The following ARNT2 variants were observed in gnomAD, a reference collection of about 807,000 sequenced individuals.
The protein encoded by ARNT2 is ARNT protein 2.
In ARNT2, 36 loss-of-function variants were observed where a neutral mutation model predicts 91.7. The ratio of observed to expected loss-of-function variants is 0.39; its 90% CI spans 0.30 to 0.52. ARNT2 has a LOEUF of 0.52. ARNT2 is among the 20% of genes least tolerant of loss of function. The pLI, the probability that ARNT2 is intolerant of heterozygous loss-of-function variation, is 0.72. For synonymous variants in ARNT2, 365 were observed against 347.1 expected, an observed-to-expected ratio of 1.05 and a Z score of -0.57; for missense variants, 775 against 939.3, an observed-to-expected ratio of 0.83 and a Z score of 2.29.
intron 2 of ARNT2, among the ~76,000 whole-genome samples, chr15:80,454,967 G>A (rs1040471884): frequency 2.0e-5 from 3 of 152,150 alleles, no homozygotes; most frequent in African/African-American, 7.2e-5. Context: ...GAATTAAAGT[G>A]AGTACAATAG....
At chr15:80,417,392 A>G (rs1244406408) in intron 1 of ARNT2, among the ~76,000 whole-genome samples, 2 of 152,230 alleles carry the variant, frequency 1.3e-5, no homozygotes, top group Non-Finnish European at 2.9e-5. Context: ...GCTTCATAAA[A>G]AGAGATCACC....
At chr15:80,564,357 G>A (rs999087678) in intron 12 of ARNT2, among the ~76,000 whole-genome samples, 7 of 152,122 alleles carry the variant, frequency 4.6e-5, no homozygotes, top group Non-Finnish European at 7.4e-5. Context: ...CTCTGTTGCC[G>A]TCTCTGAGCC....
At chr15:80,459,307 C>T (rs1489524393) in intron 3 of ARNT2, among the ~76,000 whole-genome samples, 1 of 152,248 alleles carries the variant, frequency 6.6e-6, no homozygotes, top group Non-Finnish European at 1.5e-5. Flanking sequence ...GTATTGTTTT[C>T]CCTCGGTGCA....
At chr15:80,507,241 TG>T (rs1323410299) in intron 5 of ARNT2, among the ~76,000 whole-genome samples, 1 of 152,088 alleles carries the variant, frequency 6.6e-6, no homozygotes, top group African/African-American at 2.4e-5. Flanking sequence ...GGTCAGTTGA[TG>T]GCCCAGAACC....
At chr15:80,509,458 AAATAAT>A (rs142269366) in intron 6 of ARNT2, among the ~76,000 whole-genome samples, 3 of 151,396 alleles carry the variant, frequency 2.0e-5, no homozygotes, top group Non-Finnish European at 2.9e-5. Context: ...AAAGAGACTA[AAATAAT>A]AATAATAATA....
chr15:80,578,247 C>T (rs553664281), intron 15 of ARNT2, among the ~76,000 whole-genome samples: 7 of 152,168 alleles, frequency 4.6e-5, no homozygotes, highest in South Asian at 2.1e-4. Flanking sequence ...GTGGCATGAC[C>T]GGAGAAGGTC....
chr15:80,418,565 CA>C (rs1247829582), intron 1 of ARNT2, among the ~76,000 whole-genome samples: 5 of 152,224 alleles, frequency 3.3e-5, no homozygotes, highest in Non-Finnish European at 7.3e-5. Context: ...GTAAGGTTCC[CA>C]CTGTCCAAGG....
At chr15:80,443,452 T>C (rs1012060188) in intron 1 of ARNT2, among the ~76,000 whole-genome samples, 7 of 151,414 alleles carry the variant, frequency 4.6e-5, no homozygotes, top group African/African-American at 1.7e-4. Context: ...TGCAGGAAGG[T>C]CAGGGGCGTC....
intron 14 of ARNT2, among the ~76,000 whole-genome samples, chr15:80,575,459 AG>A (rs887681933): frequency 6.6e-6 from 1 of 152,186 alleles, no homozygotes; most frequent in Non-Finnish European, 1.5e-5. Context: ...TGACCGAAGG[AG>A]GGAGAACTGT....
At chr15:80,540,207 C>A (rs749107162) in intron 8 of ARNT2, among the ~76,000 whole-genome samples, 4 of 152,160 alleles carry the variant, frequency 2.6e-5, no homozygotes, top group Non-Finnish European at 4.4e-5. Context: ...GGTAGCTCCA[C>A]GTTTAACCTC....
At chr15:80,570,861 C>T (rs1366180580) in intron 12 of ARNT2, among the ~76,000 whole-genome samples, 1 of 152,156 alleles carries the variant, frequency 6.6e-6, no homozygotes, top group African/African-American at 2.4e-5. Context: ...GAGTTCCGTA[C>T]AGTTCACTGA....
chr15:80,492,067 GTCT>G lies in ARNT2; in HGVS notation c.623-16084_623-16082del, dbSNP rs1228494288. The stretch of plus-strand genomic sequence containing the variant: ...TTCTTTCTTTTTTTTTCTAGACAGG[GTCT>G]TCTTTGGTTGCCCAGGCTGGAGTGC... On this transcript the variant is annotated intron_variant, in intron 5 of 18. Coordinates refer to ENST00000303329, the MANE Select transcript of ARNT2 (RefSeq NM_014862.4). Among the ~76,000 whole-genome samples, 4 of 151,806 alleles carry G rather than the reference GTCT, an allele frequency of 2.6e-5. No individual in the cohort carries two copies. In the East Asian group the frequency reaches 5.8e-4, roughly 22 times the overall value.
At position 80,404,523 on chromosome 15, in the gene ARNT2, C is replaced by A. The variant is rs1218717224; in HGVS notation, c.8C>A (p.Thr3Asn). Residue 3 changes from threonine (T) to asparagine (N), a missense_variant, in exon 1 of 19, where the codon ACC (threonine) becomes AAC (asparagine). Transcript: ENST00000303329. The surrounding 1 kb of genome is among the most constrained non-coding windows in gnomAD (Gnocchi z 5.5). ...CTATCCTCTCCGAGCAAGATGGCAA[C>A]CCCGGCGGCGGTCAACCCTCCGGGT... Reference protein sequence around the residue: MATPAAVNPPEMA... With the variant: MANPAAVNPPEMA... The A allele has an allele frequency of 1.3e-5, 16 of 1,224,746 alleles. No individual in the cohort carries two copies. The highest frequency in any genetic ancestry group is 1.7e-5 in the Non-Finnish European group (16 of 963,994). The allele number at this position is 1,224,746 out of a possible 1,614,324, so 75.9% of individuals were successfully genotyped here.
rs1198226379 is a variant in ARNT2, at chr15:80,563,078, G to T, written c.1165-10G>T. On this transcript the variant is annotated splice_polypyrimidine_tract_variant and intron_variant, in intron 11 of 18. Transcript: ENST00000303329. ...CTCCTGCTGACTTCCTTCTCCAAATGTTTTCTCAGGTGGTTAAGCTGAAAG... is the reference window on the plus strand; with the variant it reads ...CTCCTGCTGACTTCCTTCTCCAAATTTTTTCTCAGGTGGTTAAGCTGAAAG... 2 of 1,613,910 alleles carry T rather than the reference G, an allele frequency of 1.2e-6. No homozygotes were observed. Among genetic ancestry groups the T allele is most frequent in the East Asian group, 4.5e-5 (2 of 44,890 alleles).
chr15:80,559,421 T>G (rs1057370798), intron 11 of ARNT2, among the ~76,000 whole-genome samples: 2 of 152,120 alleles, frequency 1.3e-5, no homozygotes, highest in African/African-American at 4.8e-5. Flanking sequence ...CTCGGCCCCG[T>G]GCTTGTGTTC....
intron 17 of ARNT2, among the ~76,000 whole-genome samples, chr15:80,585,784 G>GCTGAAGAGGGAGCACC (rs1439752444): frequency 1.3e-5 from 2 of 152,206 alleles, no homozygotes; most frequent in Non-Finnish European, 2.9e-5. Context: ...AGAGAAATGT[G>GCTGAAGAGGGAGCACC]CTGAAGAGGG....
chr15:80,498,409 A>G lies in ARNT2; in HGVS notation c.623-9747A>G, dbSNP rs573022139. ...ATGACTCTCTCTTTGCTACCACTTT[A>G]AAAACAGTGACCATATTGTATATAT... On this transcript the variant is annotated intron_variant, in intron 5 of 18. Coordinates refer to ENST00000303329, the MANE Select transcript of ARNT2 (RefSeq NM_014862.4). Among the ~76,000 whole-genome samples the G allele has an allele frequency of 6.6e-5, 10 of 152,298 alleles. No homozygotes were observed. The East Asian group carries it at 1.9e-3, about 29-fold the overall frequency.
At chr15:80,580,664 C>T in intron 16 of ARNT2, 115 bp downstream of exon 16, 2 of 1,375,300 alleles carry the variant, frequency 1.5e-6, no homozygotes, top group Non-Finnish European at 2.0e-6. Context: ...CTGGAACCAA[C>T]CACCCTAACA....
chr15:80,550,634 C>G (rs1290552234), intron 8 of ARNT2, among the ~76,000 whole-genome samples: 1 of 152,192 alleles, frequency 6.6e-6, no homozygotes, highest in Non-Finnish European at 1.5e-5. Context: ...TAACCAGTTC[C>G]TTTCTATCTG....
Sources: allele counts gnomAD v4.1 joint callset (sites outside exome capture counted in the v4.1 genomes callset), GRCh38; gene constraint gnomAD v4.1.1; non-coding constraint Gnocchi (gnomAD v3.1); transcripts MANE v1.5; gene names NCBI Gene and HGNC (gene_info 2026-07-23, HGNC 2026-07-21).